TM9SF4: variants seen among roughly 807,000 people sequenced by gnomAD.
The protein encoded by TM9SF4 is transmembrane 9 superfamily member 4, also known as dinucleotide oxidase disulfide thiol exchanger 3 superfamily member 4.
Under a neutral mutation model 90.4 loss-of-function variants are expected in TM9SF4, and 26 were observed. The ratio of observed to expected loss-of-function variants is 0.29; its 90% CI spans 0.21 to 0.40. TM9SF4 has a LOEUF of 0.40. Ranked by LOEUF, TM9SF4 falls within the 10% of genes least tolerant of loss-of-function variation. The pLI is 1.00. For missense variants in TM9SF4, 549 were observed against 834.8 expected (o/e 0.66, Z 4.22); for synonymous variants, 293 against 315.4 (o/e 0.93, Z 0.75).
intron 1 of TM9SF4, among the ~76,000 whole-genome samples, chr20:32,123,866 A>ATATATATATATATATATATATATATTTT: frequency 9.6e-5 from 9 of 93,958 alleles, no homozygotes; most frequent in African/African-American, 3.2e-4. Flanking sequence ...ATATATATAT[A>ATATATATATATATATATATATATATTTT]TTTTTTTTTT....
intron 12 of TM9SF4, among the ~76,000 whole-genome samples, chr20:32,151,461 G>A (rs1307606497): frequency 6.7e-6 from 1 of 148,154 alleles, no homozygotes; most frequent in Non-Finnish European, 1.5e-5. Context: ...TCTCTTAGAG[G>A]ACTAGGAAGA....
At chr20:32,109,997 C>T (rs2046116750) in intron 1 of TM9SF4, 34 of 1,409,786 alleles carry the variant, frequency 2.4e-5, no homozygotes, top group Non-Finnish European at 3.0e-5. Flanking sequence ...ACCTCGGCTG[C>T]TGCCTTCGCC....
At chr20:32,143,167 G>GTTT in intron 6 of TM9SF4, 62 bp downstream of exon 6, 2 of 1,584,236 alleles carry the variant, frequency 1.3e-6, no homozygotes, top group Non-Finnish European at 1.7e-6. Flanking sequence ...TCCACGCAGG[G>GTTT]TCTTCGCACT....
chr20:32,162,639 G>A (rs1600350361), intron 17 of TM9SF4, among the ~76,000 whole-genome samples: 1 of 152,288 alleles, frequency 6.6e-6, no homozygotes, highest in South Asian at 2.1e-4. Context: ...TCCAGCAACA[G>A]AGAAGACACT....
At chr20:32,159,930 G>C (rs1283864981) in intron 15 of TM9SF4, 62 bp from the exon 16 acceptor site, 1 of 1,608,190 alleles carries the variant, frequency 6.2e-7, no homozygotes, top group African/African-American at 1.3e-5. Context: ...TGACAGGTTG[G>C]TGTGCCAGGG....
At chr20:32,122,279 C>T (rs1212031502) in intron 1 of TM9SF4, among the ~76,000 whole-genome samples, 5 of 131,146 alleles carry the variant, frequency 3.8e-5, no homozygotes, top group Admixed American at 1.4e-4. Context: ...CCCTCCCGGA[C>T]GGGGCGGCTG....
At chr20:32,123,866 A>ATATATATATATTTTTTTTTTTTTTTTTT in intron 1 of TM9SF4, among the ~76,000 whole-genome samples, 1 of 93,980 alleles carries the variant, frequency 1.1e-5, no homozygotes, top group Non-Finnish European at 2.0e-5. Context: ...ATATATATAT[A>ATATATATATATTTTTTTTTTTTTTTTTT]TTTTTTTTTT....
chr20:32,127,282 T>C (rs1327404927), intron 1 of TM9SF4, among the ~76,000 whole-genome samples: 1 of 152,228 alleles, frequency 6.6e-6, no homozygotes, highest in Non-Finnish European at 1.5e-5. Flanking sequence ...CTGCCATTGT[T>C]ATGAACATCA....
chr20:32,145,518 A>G (rs965967062), intron 8 of TM9SF4, 95 bp downstream of exon 8: 1 of 1,121,814 alleles, frequency 8.9e-7, no homozygotes, highest in African/African-American at 1.5e-5. Flanking sequence ...GGGTGTTCTG[A>G]GGGTCAGGCG....
At chr20:32,113,253 A>G (rs2046172688) in intron 1 of TM9SF4, among the ~76,000 whole-genome samples, 1 of 152,118 alleles carries the variant, frequency 6.6e-6, no homozygotes. Flanking sequence ...TCCTTGGTGA[A>G]TGGCTCTTCT....
intron 3 of TM9SF4, chr20:32,137,069 C>T (rs2046605045): frequency 2.2e-6 from 1 of 455,288 alleles, no homozygotes; most frequent in South Asian, 1.6e-5. Context: ...AGGACCATCT[C>T]CCCCTAATAC....
chr20:32,163,771 C>T (rs1000009335), intron 17 of TM9SF4, among the ~76,000 whole-genome samples: 11 of 151,902 alleles, frequency 7.2e-5, no homozygotes, highest in Admixed American at 1.3e-4. Flanking sequence ...ACCACCACGC[C>T]CGGCTAATTT....
chr20:32,121,617 A>C (rs143382001), intron 1 of TM9SF4, among the ~76,000 whole-genome samples: 83,165 of 151,620 alleles, frequency 0.55, 24,456 homozygotes, highest in East Asian at 0.81. Context: ...TACACAGACA[A>C]GGCAACCATC....
intron 12 of TM9SF4, among the ~76,000 whole-genome samples, chr20:32,151,885 G>A (rs1233291507): frequency 2.0e-5 from 3 of 149,786 alleles, no homozygotes; most frequent in African/African-American, 7.4e-5. Flanking sequence ...TTTTTTAGAC[G>A]GAGTCTCGCT....
At chr20:32,153,461 G>A (rs773613629) in intron 12 of TM9SF4, among the ~76,000 whole-genome samples, 1 of 152,206 alleles carries the variant, frequency 6.6e-6, no homozygotes, top group Non-Finnish European at 1.5e-5. Flanking sequence ...GTGGCAAGAA[G>A]GTTCATGCCG....
chr20:32,165,624 T>G lies in TM9SF4; in HGVS notation c.*180T>G. ...AGGGCCTGTAGATAATCTTGCGTTT[T>G]TCGTCATCTTATTCCAGTTCTGTGG... is the stretch of plus-strand genomic sequence containing the variant. On this transcript the variant is annotated 3_prime_UTR_variant, in exon 18 of 18. Transcript: ENST00000398022. 4.4e-6 allele frequency: 3 copies of G among 681,138 alleles called. No homozygotes were observed. Among genetic ancestry groups the G allele is most frequent in the Non-Finnish European group, 2.4e-6 (1 of 414,732 alleles). 42.2% of individuals were successfully genotyped at this position (681,138 alleles called of 1,614,324 possible).
At chr20:32,125,014 T>A (rs958372503) in intron 1 of TM9SF4, among the ~76,000 whole-genome samples, 2 of 152,200 alleles carry the variant, frequency 1.3e-5, no homozygotes, top group African/African-American at 4.8e-5. Flanking sequence ...ATTATGAACT[T>A]CTTGAGCTTC....
intron 13 of TM9SF4, 93 bp downstream of exon 13, chr20:32,155,279 C>G: frequency 9.3e-7 from 1 of 1,071,670 alleles, no homozygotes; most frequent in Non-Finnish European, 1.4e-6. Flanking sequence ...CTGCCATTCC[C>G]TTCCCTTTTC....
chr20:32,123,867 T>TATATA (rs1555882288), intron 1 of TM9SF4, among the ~76,000 whole-genome samples: 1,160 of 47,974 alleles, frequency 0.024, 14 homozygotes, highest in Non-Finnish European at 0.034. Flanking sequence ...TATATATATA[T>TATATA]TTTTTTTTTT....
Sources: allele counts gnomAD v4.1 joint callset (sites outside exome capture counted in the v4.1 genomes callset), GRCh38; gene constraint gnomAD v4.1.1; transcripts MANE v1.5; gene names NCBI Gene and HGNC (gene_info 2026-07-23, HGNC 2026-07-21).